Variants in TBC1D30 observed in about 807,000 individuals in gnomAD.
The protein encoded by TBC1D30 is TBC1 domain family member 30, also known as TBC1 domain family, member 30.
TBC1D30 carries 31 observed loss-of-function variants against 63.2 expected under a neutral mutation model. The ratio of observed to expected loss-of-function variants is 0.49; its 90% CI spans 0.37 to 0.66. The LOEUF is 0.66. Ranked by LOEUF, TBC1D30 falls within the 30% of genes least tolerant of loss-of-function variation. The pLI, the probability that TBC1D30 is intolerant of heterozygous loss-of-function variation, is 0.00. For missense variants in TBC1D30, 810 were observed against 953.6 expected (o/e 0.85, Z 1.98); for synonymous variants, 307 against 361.5 (o/e 0.85, Z 1.71).
rs564301882 is a variant in TBC1D30 at position 64,790,200 on chromosome 12, G to A, written c.643+4155G>A. ...TACAGAGTTTCTGGTTTATTAGAACGTGTGGCTTCAGCATAGTTTGCATAT... is the reference window on the plus strand; with the variant it reads ...TACAGAGTTTCTGGTTTATTAGAACATGTGGCTTCAGCATAGTTTGCATAT... On this transcript the variant is annotated intron_variant, in intron 2 of 12. Transcript: ENST00000542120. 7.6e-4 allele frequency among the ~76,000 whole-genome samples: 116 copies of A among 152,250 alleles called. 1 individual carries two copies. In the South Asian group the frequency reaches 9.3e-3, roughly 12 times the overall value.
At chr12:64,872,154 A>G (rs936536791) in intron 11 of TBC1D30, among the ~76,000 whole-genome samples, 3 of 152,118 alleles carry the variant, frequency 2.0e-5, no homozygotes, top group African/African-American at 4.8e-5. Flanking sequence ...CGGCCTCCCA[A>G]GTAGCTGGGA....
chr12:64,845,816 T>G (rs7979091), intron 8 of TBC1D30, among the ~76,000 whole-genome samples: 1 of 151,908 alleles, frequency 6.6e-6, no homozygotes, highest in Non-Finnish European at 1.5e-5. Flanking sequence ...TTTGCCACCA[T>G]GCCAGGCTAA....
chr12:64,794,214 T>G (rs1230695665), intron 2 of TBC1D30, among the ~76,000 whole-genome samples: 2 of 152,162 alleles, frequency 1.3e-5, no homozygotes, highest in Admixed American at 1.3e-4. Context: ...TTGGTGTTCC[T>G]GAAATACAAC....
upstream of TBC1D30, chr12:64,824,605 C>T (rs1463773660): frequency 1.4e-5 from 5 of 355,296 alleles, no homozygotes; most frequent in African/African-American, 4.2e-5. Flanking sequence ...CTCGCTCGCT[C>T]GCTCGCTCCC....
intron 8 of TBC1D30, among the ~76,000 whole-genome samples, chr12:64,853,178 A>G (rs1224628477): frequency 1.3e-5 from 2 of 152,174 alleles, no homozygotes; most frequent in African/African-American, 2.4e-5. Flanking sequence ...TCTTTCAGAG[A>G]TACCCTGCCC....
At chr12:64,788,192 G>GGTGTGTGTGTGT (rs61697442) in intron 2 of TBC1D30, among the ~76,000 whole-genome samples, 10 of 145,052 alleles carry the variant, frequency 6.9e-5, no homozygotes, top group African/African-American at 2.5e-4. Flanking sequence ...GGTGTGTAGG[G>GGTGTGTGTGTGT]GTGTGTGTGT....
At chr12:64,798,733 T>C (rs1477122865) in intron 2 of TBC1D30, among the ~76,000 whole-genome samples, 2 of 152,076 alleles carry the variant, frequency 1.3e-5, no homozygotes, top group South Asian at 2.1e-4. Context: ...CTTGGTTCTC[T>C]TTCCTTGGGA....
chr12:64,764,031 A>G (rs1049360433), intron 1 of TBC1D30, among the ~76,000 whole-genome samples: 4 of 152,242 alleles, frequency 2.6e-5, no homozygotes, highest in Non-Finnish European at 5.9e-5. Flanking sequence ...ACCACAGGTT[A>G]AAATAACAAT....
intron 8 of TBC1D30, among the ~76,000 whole-genome samples, chr12:64,863,540 G>A (rs7973822): frequency 0.21 from 31,320 of 152,190 alleles, 8,820 homozygotes; most frequent in African/African-American, 0.64. Context: ...CACAGTAAGC[G>A]TGGAGAATTG....
chr12:64,814,191 C>T (rs1371998404), intron 2 of TBC1D30, among the ~76,000 whole-genome samples: 1 of 152,088 alleles, frequency 6.6e-6, no homozygotes, highest in African/African-American at 2.4e-5. Flanking sequence ...GGATTACAGG[C>T]GAGTGCCACC....
In TBC1D30 at chr12:64,824,812, C is replaced by G. The variant is rs545206651; in HGVS notation, c.-68C>G. 850 of 1,493,294 alleles carry G rather than the reference C, an allele frequency of 5.7e-4. 20 individuals carry two copies. In the East Asian group the frequency reaches 0.021, roughly 37 times the overall value. The allele number at this position is 1,493,294 out of a possible 1,614,324, so 92.5% of individuals were successfully genotyped here. ...ACTCACCCAGCTCCGCGAGCTCAGC[C>G]GCTCAGCGAGTGGGGTAGCGGGGAC... On this transcript the variant is annotated 5_prime_UTR_variant, in exon 1 of 12. Coordinates refer to ENST00000539867, the MANE Select transcript of TBC1D30 (RefSeq NM_015279.2).
rs1036236501 is a variant in TBC1D30, at chr12:64,880,950, A to G, written c.*5162A>G. The G allele has an allele frequency of 1.3e-5, 2 of 152,192 alleles. No individual in the cohort carries two copies. The highest frequency in any genetic ancestry group is 4.8e-5 in the African/African-American group (2 of 41,442). The allele number at this position is 152,192 out of a possible 1,614,324, so 9.4% of individuals were successfully genotyped here. A position where few individuals can be genotyped will look rare whatever the true frequency, so the allele number is the denominator to read the frequency against. On this transcript the variant is annotated 3_prime_UTR_variant, in exon 12 of 12. Transcript: ENST00000539867. Reference sequence around the variant, plus strand: ...GTTTTCTGGGAAGAAACTTCCTGATACCTCAGCCTAGGAATCTCCCTATCC... The same window carrying G: ...GTTTTCTGGGAAGAAACTTCCTGATGCCTCAGCCTAGGAATCTCCCTATCC...
At chr12:64,783,030 T>C (rs1871370886) in intron 1 of TBC1D30, among the ~76,000 whole-genome samples, 1 of 152,176 alleles carries the variant, frequency 6.6e-6, no homozygotes, top group South Asian at 2.1e-4. Flanking sequence ...GGTTATTTGA[T>C]CTTTTTCTCA....
At chr12:64,836,344 T>A in intron 5 of TBC1D30, 146 bp from the exon 6 acceptor site, 1 of 604,038 alleles carries the variant, frequency 1.7e-6, no homozygotes, top group East Asian at 2.8e-5. Context: ...GCCTTGTAAA[T>A]CTGGAACATT....
rs545811127 is a variant in TBC1D30, at chr12:64,860,697, CAAAG to C, written c.1039-3967_1039-3964del. On this transcript the variant is annotated intron_variant, in intron 8 of 11. Coordinates refer to ENST00000539867, the MANE Select transcript of TBC1D30 (RefSeq NM_015279.2). ...TCTGATACAGGTGGTTTTCAGAAAA[CAAAG>C]AAACACTGGCTTTAAAGAAACTTAA... is the stretch of plus-strand genomic sequence containing the variant. Among the ~76,000 whole-genome samples the C allele has an allele frequency of 4.8e-3, 734 of 152,222 alleles. 7 individuals are homozygous for C. Among genetic ancestry groups the C allele is most frequent in the African/African-American group, 0.017 (707 of 41,538 alleles).
intron 2 of TBC1D30, among the ~76,000 whole-genome samples, chr12:64,791,286 C>T (rs1367184823): frequency 6.6e-6 from 1 of 152,042 alleles, no homozygotes; most frequent in African/African-American, 2.4e-5. Flanking sequence ...GCAGTGACTA[C>T]TAATGGTATA....
At position 64,780,943 on chromosome 12, in the gene TBC1D30, C is replaced by G. The variant is rs772802130; in HGVS notation, c.135C>G (p.Leu45=). Residue 45 remains leucine, a synonymous_variant, in exon 1 of 13, where the codon CTC becomes CTG. Coordinates refer to the TBC1D30 transcript ENST00000542120. ...CTGCAGCTCCCCCAGCCCCGCGCCT[C>G]CGGGGAGCGGCGGAGCGGCCGCGGC... 48 of 1,058,246 alleles carry G rather than the reference C, an allele frequency of 4.5e-5. No homozygotes were observed. In the African/African-American group the frequency reaches 7.4e-4, roughly 16 times the overall value. 65.6% of individuals were successfully genotyped at this position (1,058,246 alleles called of 1,614,324 possible). A position where few individuals can be genotyped will look rare whatever the true frequency, so the allele number is the denominator to read the frequency against.
chr12:64,837,482 C>T lies in TBC1D30; in HGVS notation c.763+824C>T, dbSNP rs746466232. The stretch of plus-strand genomic sequence containing the variant: ...TCAGGCATTAGATTCTCATAAGGAG[C>T]GCGAAACCTAGATCCCTCACGTGCA... On this transcript the variant is annotated intron_variant, in intron 6 of 11. Transcript: ENST00000539867. Among the ~76,000 whole-genome samples the T allele has an allele frequency of 8.6e-5, 13 of 151,656 alleles. No homozygotes were observed. In the South Asian group the frequency reaches 1.3e-3, roughly 15 times the overall value.
chr12:64,783,037 C>T (rs999683241), intron 1 of TBC1D30, among the ~76,000 whole-genome samples: 1 of 152,114 alleles, frequency 6.6e-6, no homozygotes, highest in African/African-American at 2.4e-5. Context: ...TGATCTTTTT[C>T]TCAGGCTCAA....
Sources: gnomAD v4.1 joint callset for allele counts (sites outside exome capture counted in the v4.1 genomes callset) on GRCh38, gnomAD v4.1.1 for gene constraint, MANE v1.5 for transcripts, NCBI Gene and HGNC (gene_info 2026-07-23, HGNC 2026-07-21) for gene names.